CENPF: variants seen among roughly 807,000 people sequenced by gnomAD.
CENPF encodes centromere protein F.
Under a neutral mutation model 307.3 loss-of-function variants are expected in CENPF, and 214 were observed. That is an observed-to-expected ratio of 0.70 (90% CI 0.62 to 0.78). CENPF has a LOEUF of 0.78. CENPF is among the 30% of genes least tolerant of loss of function. The pLI is 0.00. For synonymous variants in CENPF, 1,259 were observed against 1,270.6 expected, an observed-to-expected ratio of 0.99 and a Z score of 0.19; for missense variants, 3,401 against 3,483.9, an observed-to-expected ratio of 0.98 and a Z score of 0.60.
In CENPF at chr1:214,632,464, C is replaced by G. The variant is rs572630065; in HGVS notation, c.1324-16C>G. ...AGAACATGAAAATGAAACTTGGTCT[C>G]TTTTTCTTTTTGTAGCTCACATCAG... On this transcript the variant is annotated splice_polypyrimidine_tract_variant and intron_variant, in intron 9 of 19. Transcript: ENST00000366955. The G allele has an allele frequency of 1.9e-6, 3 of 1,605,172 alleles. No homozygotes were observed. The African/African-American group carries it at 4.0e-5, about 22-fold the overall frequency.
At position 214,643,087 on chromosome 1, in the gene CENPF, G is replaced by A; in HGVS notation, c.4749G>A (p.Glu1583=). 1.2e-6 allele frequency: 2 copies of A among 1,609,066 alleles called. No individual in the cohort carries two copies. The highest frequency in any genetic ancestry group is 1.7e-6 in the Non-Finnish European group (2 of 1,178,740). Residue 1583 remains glutamate (E), a synonymous_variant, in exon 12 of 20, where the codon GAG becomes GAA. Transcript: ENST00000366955. ...TTATGAAAAATAAGGAAATTCAAGA[G>A]CTCGAGCAGTTATTAAGTTCTGAAA... ...QGIMKNKEIQ[E]LEQLLSSERQ...
In CENPF at chr1:214,622,105, G is replaced by T. The variant is rs749662088; in HGVS notation, c.892G>T (p.Glu298Ter). Reference protein sequence around the residue: ...QELRNKINELELRLQGHEKEM... With the variant: ...QELRNKINEL ...GCTAAGAAACAAGATTAATGAGTTG[G>T]AACTACGCCTGCAAGGACATGAAAA... Residue 298 changes from glutamate (E) to a stop codon, truncating the protein, a stop_gained, in exon 7 of 20, where the codon GAA becomes TAA. Coordinates refer to ENST00000366955, the MANE Select transcript of CENPF (RefSeq NM_016343.4). LOFTEE classifies it high-confidence loss of function. 2.5e-6 allele frequency: 4 copies of T among 1,613,990 alleles called. No homozygotes were observed. The highest frequency in any genetic ancestry group is 3.4e-6 in the Non-Finnish European group (4 of 1,179,950).
intron 1 of CENPF, chr1:214,612,974 T>G (rs1446592857): frequency 2.1e-5 from 6 of 290,664 alleles, no homozygotes; most frequent in Non-Finnish European, 1.3e-5. Flanking sequence ...GCTGTAACCC[T>G]GTCCTTCAGG....
chr1:214,632,484 C>A lies in CENPF; in HGVS notation c.1328C>A (p.Thr443Lys). 1 of 1,613,236 alleles carries A rather than the reference C, an allele frequency of 6.2e-7. No individual in the cohort carries two copies. ...NVLQAELDKLTSVKQQLENNL... is the reference protein window; with the variant it reads ...NVLQAELDKLKSVKQQLENNL... ...GGTCTCTTTTTCTTTTTGTAGCTCA[C>A]ATCAGTAAAGCAACAGCTAGAAAAC... The change falls in exon 10 of 20, where the codon ACA becomes AAA. Residue 443 changes from threonine to lysine, a missense_variant. Physicochemically the swap from Thr to Lys is moderately conservative, Grantham distance 78 (BLOSUM62 -1). Transcript: ENST00000366955.
In CENPF at chr1:214,643,202, T is replaced by C; in HGVS notation, c.4864T>C (p.Ser1622Pro). Residue 1622 changes from serine to proline, a missense_variant, in exon 12 of 20, where the codon TCC (serine) becomes CCC (proline). Coordinates refer to ENST00000366955, the MANE Select transcript of CENPF (RefSeq NM_016343.4). ...GACAAGCGTGACTCTGGAGATGGAGTCCAAGTTGGCGGCAGAAAAGAAACA... is the reference window on the plus strand; with the variant it reads ...GACAAGCGTGACTCTGGAGATGGAGCCCAAGTTGGCGGCAGAAAAGAAACA... ...KLTSVTLEME[S>P]KLAAEKKQTE... 2.5e-6 allele frequency: 4 copies of C among 1,602,946 alleles called. No homozygotes were observed. The highest frequency in any genetic ancestry group is 3.4e-6 in the Non-Finnish European group (4 of 1,176,700).
rs1435057882 is a variant in CENPF at position 214,646,692 on chromosome 1, A to G, written c.7122A>G (p.Glu2374=). The G allele has an allele frequency of 6.2e-7, 1 of 1,614,044 alleles. No individual in the cohort carries two copies. The highest frequency in any genetic ancestry group is 2.2e-5 in the East Asian group (1 of 44,884). The change falls in exon 13 of 20, where the codon GAA becomes GAG. Residue 2374 remains glutamate, a synonymous_variant. Transcript: ENST00000366955. The part of the protein sequence containing the change: ...GEVETLKAKI[E]GMTQSLRGLE... ...TAGAGACCCTAAAAGCAAAAATAGA[A>G]GGGATGACCCAAAGTCTGAGAGGTC...
Position 214,648,672 on chromosome 1 carries a change from C to A in CENPF, c.7831-3C>A, listed in dbSNP as rs1287500843. The A allele has an allele frequency of 4.3e-6, 7 of 1,611,274 alleles. No individual in the cohort carries two copies. Among genetic ancestry groups the A allele is most frequent in the Non-Finnish European group, 5.9e-6 (7 of 1,179,222 alleles). On this transcript the variant is annotated splice_region_variant and splice_polypyrimidine_tract_variant and intron_variant, in intron 13 of 19. Coordinates refer to ENST00000366955, the MANE Select transcript of CENPF (RefSeq NM_016343.4). ...CAGATTCTAATGAAAGATGAAATTT[C>A]AGGTAAACAAAATGACTGCAAAGGA... is the stretch of plus-strand genomic sequence containing the variant.
At chr1:214,635,246 C>T (rs1369077804) in intron 10 of CENPF, among the ~76,000 whole-genome samples, 7 of 152,210 alleles carry the variant, frequency 4.6e-5, no homozygotes, top group Admixed American at 3.3e-4. Flanking sequence ...ATATAGGCTT[C>T]GCCCAGCAGG....
Position 214,622,290 on chromosome 1 carries a change from C to T in CENPF, c.1068+9C>T. The T allele has an allele frequency of 6.3e-7, 1 of 1,584,688 alleles. No homozygotes were observed. The highest frequency in any genetic ancestry group is 8.6e-7 in the Non-Finnish European group (1 of 1,167,064). On this transcript the variant is annotated intron_variant, in intron 7 of 19. Transcript: ENST00000366955. ...ACCAGGCGTCAACCAAGGTACTTGA[C>T]TTTTCGTGAATTACTGGAGAAATCT...
rs377397616 is a variant in CENPF, at chr1:214,631,635, G to A, written c.1324-845G>A. ...CTGCCTCAGCCTCCCGAGTGGCTGG[G>A]ATTACAGGCGCCTGCCACCACGCCT... is the stretch of plus-strand genomic sequence containing the variant. On this transcript the variant is annotated intron_variant, in intron 9 of 19. Coordinates refer to ENST00000366955, the MANE Select transcript of CENPF (RefSeq NM_016343.4). Among the ~76,000 whole-genome samples, 202 of 152,296 alleles carry A rather than the reference G, an allele frequency of 1.3e-3. 7 individuals carry two copies. The South Asian group carries it at 0.04, about 30-fold the overall frequency.
chr1:214,657,483 A>G, intron 18 of CENPF, 74 bp downstream of exon 18: 1 of 1,141,894 alleles, frequency 8.8e-7, no homozygotes, highest in Non-Finnish European at 1.3e-6. Context: ...ATAAAAAGAC[A>G]AAAGTATTTG....
intron 5 of CENPF, among the ~76,000 whole-genome samples, chr1:214,620,116 CAG>C (rs772353749): frequency 1.3e-5 from 2 of 152,104 alleles, no homozygotes; most frequent in African/African-American, 4.8e-5. Context: ...AGAATGGAGG[CAG>C]AGAGAAGCAT....
intron 1 of CENPF, chr1:214,606,154 C>T: frequency 1.4e-6 from 2 of 1,420,678 alleles, no homozygotes; most frequent in Non-Finnish European, 1.9e-6. Flanking sequence ...CGTCCCCGGG[C>T]CCAGCTCCGG....
chr1:214,640,391 G>A lies in CENPF; in HGVS notation c.2053G>A (p.Val685Met), dbSNP rs1414046048. The A allele has an allele frequency of 3.1e-6, 5 of 1,613,896 alleles. No individual in the cohort carries two copies. The highest frequency in any genetic ancestry group is 2.7e-5 in the African/African-American group (2 of 74,916). ...TGTCGAGATCAGAAACCTTCACAAC[G>A]TGTTAGACAGTAAGTCAGTGGAGGT... ...LSVEIRNLHN[V>M]LDSKSVEVET... Residue 685 changes from valine to methionine, a missense_variant, in exon 12 of 20, where the codon GTG (valine) becomes ATG (methionine). Transcript: ENST00000366955.
rs1403403413 is a variant in CENPF, at chr1:214,645,483, A to G, written c.5913A>G (p.Ser1971=). The G allele has an allele frequency of 3.1e-6, 5 of 1,612,498 alleles. No homozygotes were observed. In the African/African-American group the frequency reaches 4.0e-5, roughly 13 times the overall value. ...TTCGTGGAGAATTAGATACTATGTC[A>G]AAAAAAACCACGGCACTGGATCAGT... ...NQLRGELDTM[S]KKTTALDQLS... Residue 1971 remains serine (S), a synonymous_variant, in exon 13 of 20, where the codon TCA becomes TCG. Coordinates refer to ENST00000366955, the MANE Select transcript of CENPF (RefSeq NM_016343.4).
intron 12 of CENPF, among the ~76,000 whole-genome samples, chr1:214,643,860 A>G (rs1486311872): frequency 1.3e-5 from 2 of 152,234 alleles, no homozygotes; most frequent in Non-Finnish European, 2.9e-5. Context: ...GGGCTTTTAA[A>G]AAATTGAATA....
chr1:214,646,674 C>T lies in CENPF; in HGVS notation c.7104C>T (p.Thr2368=). ...AGAATTCCAAAGGAGAGGTAGAGAC[C>T]CTAAAAGCAAAAATAGAAGGGATGA... The part of the protein sequence containing the change: ...EAENSKGEVE[T]LKAKIEGMTQ... Residue 2368 remains threonine (T), a synonymous_variant, in exon 13 of 20, where the codon ACC becomes ACT. Transcript: ENST00000366955. The T allele has an allele frequency of 6.2e-7, 1 of 1,613,476 alleles. No homozygotes were observed. The highest frequency in any genetic ancestry group is 8.5e-7 in the Non-Finnish European group (1 of 1,179,896).
intron 1 of CENPF, among the ~76,000 whole-genome samples, chr1:214,607,003 C>T (rs895882615): frequency 7.2e-5 from 11 of 152,350 alleles, no homozygotes; most frequent in African/African-American, 2.4e-4. Flanking sequence ...AGGGCTGTCC[C>T]CCTCCCTGGC....
chr1:214,630,703 C>G, intron 9 of CENPF, 41 bp downstream of exon 9: 1 of 1,606,920 alleles, frequency 6.2e-7, no homozygotes, highest in Non-Finnish European at 8.5e-7. Flanking sequence ...ATCATCCCCT[C>G]TTGTTCCTTG....
Sources: gnomAD v4.1 joint callset for allele counts (sites outside exome capture counted in the v4.1 genomes callset) on GRCh38, gnomAD v4.1.1 for gene constraint, MANE v1.5 for transcripts, NCBI Gene and HGNC (gene_info 2026-07-23, HGNC 2026-07-21) for gene names.